The following TFPT variants were observed in gnomAD, a reference collection of about 807,000 sequenced individuals.
The protein encoded by TFPT is TCF3 fusion partner, also known as INO80 complex subunit F.
A neutral mutation model predicts 28.8 loss-of-function variants in TFPT; 27 were observed. That is an observed-to-expected ratio of 0.94 (90% confidence interval 0.69 to 1.29). The LOEUF is 1.29. Ranked by LOEUF, TFPT falls within the 50% of genes most tolerant of loss-of-function variation. The pLI, the probability that TFPT is intolerant of heterozygous loss-of-function variation, is 0.00. For synonymous variants in TFPT, 152 were observed against 142.8 expected (o/e 1.06, Z -0.46); for missense variants, 330 against 338.0 (o/e 0.98, Z 0.19).
rs767220147 is a variant in TFPT, at chr19:54,110,115, C to G, written c.289G>C (p.Glu97Gln). The G allele has an allele frequency of 3.1e-6, 5 of 1,614,162 alleles. No individual in the cohort carries two copies. The highest frequency in any genetic ancestry group is 4.2e-6 in the Non-Finnish European group (5 of 1,180,020). Residue 97 changes from glutamate to glutamine, a missense_variant, in exon 3 of 6, where the codon GAG becomes CAG. By Grantham distance (29) the Glu-to-Gln change is conservative (BLOSUM62 2). Coordinates refer to ENST00000391759, the MANE Select transcript of TFPT (RefSeq NM_013342.4). ...RRCREIEQVN[E>Q]RVLNRLHQVQ... ...TGATGGAGCCTGTTCAGGACCCGCT[C>G]GTTCACCTATGGGGTGGGAAACGCC...
At chr19:54,108,713 G>C (rs899752560) in intron 3 of TFPT, 1 of 986,036 alleles carries the variant, frequency 1.0e-6, no homozygotes, top group Admixed American at 2.9e-5. Context: ...TCAGCACTTA[G>C]TAAACATTCA....
intron 2 of TFPT, among the ~76,000 whole-genome samples, chr19:54,111,555 C>T (rs1451396316): frequency 2.0e-5 from 3 of 151,710 alleles, no homozygotes; most frequent in African/African-American, 7.2e-5. Flanking sequence ...TGGCGCATGC[C>T]TGTAATCCCA....
chr19:54,107,128 G>C lies in TFPT; in HGVS notation c.684C>G (p.Ala228=). The C allele has an allele frequency of 6.2e-7, 1 of 1,613,734 alleles. No homozygotes were observed. Among genetic ancestry groups the C allele is most frequent in the Non-Finnish European group, 8.5e-7 (1 of 1,179,934 alleles). The change falls in exon 6 of 6, where the codon GCC becomes GCG. Residue 228 remains alanine (A), a synonymous_variant. Coordinates refer to ENST00000391759, the MANE Select transcript of TFPT (RefSeq NM_013342.4). ...CCCGAGAAACCCAACTGGAATCCAGGGCCTCATCTGCTTCAAAGCCAAAGT... is the reference window on the plus strand; with the variant it reads ...CCCGAGAAACCCAACTGGAATCCAGCGCCTCATCTGCTTCAAAGCCAAAGT... ...EEDFGFEADE[A]LDSSWVSRGP... is the part of the protein sequence containing the mutation.
At position 54,115,480 on chromosome 19, in the gene TFPT, C is replaced by T. The variant is rs1006330958; in HGVS notation, c.-211G>A. On this transcript the variant is annotated 5_prime_UTR_variant, in exon 1 of 6. Transcript: ENST00000391759. ...CCCGAATCCCTGCTTAAAGGCCTTGCTTTCTTGTCTAACGCCGCAACCAGT... is the reference window on the plus strand; with the variant it reads ...CCCGAATCCCTGCTTAAAGGCCTTGTTTTCTTGTCTAACGCCGCAACCAGT... The T allele has an allele frequency of 2.2e-5, 14 of 627,958 alleles. No homozygotes were observed. In the Middle Eastern group the frequency reaches 1.2e-3, roughly 55 times the overall value. 38.9% of individuals were successfully genotyped at this position (627,958 alleles called of 1,614,324 possible).
chr19:54,108,707 C>A, intron 3 of TFPT: 2 of 1,029,416 alleles, frequency 1.9e-6, no homozygotes, highest in South Asian at 1.7e-5. Flanking sequence ...GTGATGTCAG[C>A]ACTTAGTAAA....
In TFPT at chr19:54,108,406, G is replaced by A; in HGVS notation, c.354-11C>T. ...ACTCTCATGAGGAACCTGCTCAGGG[G>A]GAGAAGCCACCAACGGAATAACTTA... On this transcript the variant is annotated splice_polypyrimidine_tract_variant and intron_variant, in intron 3 of 5. Coordinates refer to ENST00000391759, the MANE Select transcript of TFPT (RefSeq NM_013342.4). 2 of 1,614,034 alleles carry A rather than the reference G, an allele frequency of 1.2e-6. No homozygotes were observed. The highest frequency in any genetic ancestry group is 1.7e-6 in the Non-Finnish European group (2 of 1,179,956).
chr19:54,113,605 C>T (rs1010122687), intron 2 of TFPT, among the ~76,000 whole-genome samples: 1 of 150,772 alleles, frequency 6.6e-6, no homozygotes, highest in Non-Finnish European at 1.5e-5. Flanking sequence ...CTCCTTCACT[C>T]TCAAGGAAAA....
chr19:54,107,056 A>G lies in TFPT; in HGVS notation c.756T>C (p.Ser252=), dbSNP rs768969590. ...TCAGTTTATTGGGCATGCGTCAGTC[A>G]GAGGCTGGGCTGGCCAGGGTCGGGT... ...LPYPTLASPA[S]D is the part of the protein sequence containing the mutation. Residue 252 remains serine, a synonymous_variant, in exon 6 of 6, where the codon TCT becomes TCC. Coordinates refer to ENST00000391759, the MANE Select transcript of TFPT (RefSeq NM_013342.4). 7 of 1,613,674 alleles carry G rather than the reference A, an allele frequency of 4.3e-6. No homozygotes were observed. The East Asian group carries it at 1.3e-4, about 31-fold the overall frequency.
Position 54,115,282 on chromosome 19 carries a change from C to T in TFPT, c.-13G>A, listed in dbSNP as rs1416503952. 1.2e-6 allele frequency: 2 copies of T among 1,614,034 alleles called. No homozygotes were observed. Among genetic ancestry groups the T allele is most frequent in the Non-Finnish European group, 1.7e-6 (2 of 1,180,050 alleles). On this transcript the variant is annotated 5_prime_UTR_variant, in exon 1 of 6. Coordinates refer to ENST00000391759, the MANE Select transcript of TFPT (RefSeq NM_013342.4). ...GCTCCAATTCCATCTCCGCGACCTCCGGAAGCCCCGGGCCTCAGAGCTTCC... is the reference window on the plus strand; with the variant it reads ...GCTCCAATTCCATCTCCGCGACCTCTGGAAGCCCCGGGCCTCAGAGCTTCC...
intron 3 of TFPT, among the ~76,000 whole-genome samples, chr19:54,109,806 GC>G: frequency 6.6e-6 from 1 of 152,018 alleles, no homozygotes; most frequent in Non-Finnish European, 1.5e-5. Flanking sequence ...CCTCCACCCG[GC>G]CCTCCCTCAG....
chr19:54,112,568 C>T (rs2073485112), intron 2 of TFPT, among the ~76,000 whole-genome samples: 1 of 151,662 alleles, frequency 6.6e-6, no homozygotes, highest in Admixed American at 6.6e-5. Flanking sequence ...GCGAGTGGAT[C>T]ACTTGAGGTC....
Position 54,115,442 on chromosome 19 carries a change from C to A in TFPT, c.-173G>T. ...CTGTTTCCGGCTTCGCTTCGGCCCA[C>A]CCCCACGTCCACCCCGAATCCCTGC... is the stretch of plus-strand genomic sequence containing the variant. On this transcript the variant is annotated 5_prime_UTR_variant, in exon 1 of 6. Transcript: ENST00000391759. 2 of 806,652 alleles carry A rather than the reference C, an allele frequency of 2.5e-6. No individual in the cohort carries two copies. The highest frequency in any genetic ancestry group is 2.0e-6 in the Non-Finnish European group (1 of 504,902). The allele number at this position is 806,652 out of a possible 1,614,324, so 50.0% of individuals were successfully genotyped here.
intron 2 of TFPT, 122 bp from the exon 3 acceptor site, chr19:54,110,243 GT>G: frequency 9.8e-7 from 1 of 1,022,844 alleles, no homozygotes; most frequent in Non-Finnish European, 1.5e-6. Context: ...GTGGCCTGAG[GT>G]CCTTCCACCT....
chr19:54,107,290 C>G, intron 5 of TFPT, 121 bp from the exon 6 acceptor site: 1 of 1,395,784 alleles, frequency 7.2e-7, no homozygotes, highest in Non-Finnish European at 9.7e-7. Flanking sequence ...ACTCTGTTGC[C>G]CAGGCTGGAG....
intron 3 of TFPT, chr19:54,108,687 T>C: frequency 8.4e-7 from 1 of 1,194,546 alleles, no homozygotes; most frequent in Non-Finnish European, 1.1e-6. Context: ...AGACGATTTC[T>C]GTACTTAATG....
rs1338594971 is a variant in TFPT, at chr19:54,108,318, A to G, written c.423+8T>C. ...AGTTCCTGACCCTCCTGGAGGCCCA[A>G]CACTCACCTCCAGCACAATGGTGAA... On this transcript the variant is annotated splice_region_variant and intron_variant, in intron 4 of 5. Coordinates refer to ENST00000391759, the MANE Select transcript of TFPT (RefSeq NM_013342.4). The G allele has an allele frequency of 6.3e-7, 1 of 1,597,920 alleles. No homozygotes were observed.
At chr19:54,108,267 A>G in intron 4 of TFPT, 23 bp from the exon 5 acceptor site, 3 of 1,575,502 alleles carry the variant, frequency 1.9e-6, no homozygotes, top group Non-Finnish European at 2.6e-6. Context: ...AGGGGGAGGT[A>G]GGTGATGGGT....
At chr19:54,111,743 C>T (rs587632854) in intron 2 of TFPT, among the ~76,000 whole-genome samples, 13 of 149,690 alleles carry the variant, frequency 8.7e-5, no homozygotes, top group African/African-American at 3.2e-4. Context: ...CCAGCACTTT[C>T]AGAGGCCAAG....
chr19:54,110,011 C>T, intron 3 of TFPT, 40 bp downstream of exon 3: 3 of 1,604,674 alleles, frequency 1.9e-6, no homozygotes, highest in African/African-American at 1.3e-5. Context: ...CATTTGGGAG[C>T]TGAGGCTCAC....
Sources: gnomAD v4.1 joint callset for allele counts (sites outside exome capture counted in the v4.1 genomes callset) on GRCh38, gnomAD v4.1.1 for gene constraint, MANE v1.5 for transcripts, NCBI Gene and HGNC (gene_info 2026-07-23, HGNC 2026-07-21) for gene names.